SEPTIN9: variants seen among roughly 807,000 people sequenced by gnomAD.
SEPTIN9 encodes septin 9.
A neutral mutation model predicts 56.6 loss-of-function variants in SEPTIN9; 13 were observed. The observed-to-expected ratio is 0.23, with a 90% CI of 0.15 to 0.37. The LOEUF is 0.37. SEPTIN9 is among the 10% of genes least tolerant of loss of function. The probability of loss-of-function intolerance (pLI) is 1.00; values close to 1 mark genes in which losing one functional copy is unlikely to be tolerated. For synonymous variants in SEPTIN9, 332 were observed against 334.1 expected, an observed-to-expected ratio of 0.99 and a Z score of 0.07; for missense variants, 650 against 823.1, an observed-to-expected ratio of 0.79 and a Z score of 2.57.
chr17:77,456,007 C>T lies in SEPTIN9; in HGVS notation c.722-26137C>T, dbSNP rs1158177813. 6.6e-6 allele frequency among the ~76,000 whole-genome samples: 1 copy of T among 152,176 alleles called. No homozygotes were observed. The highest frequency in any genetic ancestry group is 2.4e-5 in the African/African-American group (1 of 41,436). On this transcript the variant is annotated intron_variant, in intron 3 of 11. Coordinates refer to ENST00000427177, the MANE Select transcript of SEPTIN9 (RefSeq NM_001113491.2). This position sits in a 1 kb window ranked among gnomAD's most constrained non-coding sequence, Gnocchi z 6.0. ...GACTGCCCTGGAAGATTCCCGGCAC[C>T]GCTTCCCATGCGCCACGTGACTAGG...
At chr17:77,343,810 G>A (rs1036982104) in intron 2 of SEPTIN9, among the ~76,000 whole-genome samples, 1 of 152,186 alleles carries the variant, frequency 6.6e-6, no homozygotes, top group South Asian at 2.1e-4. Context: ...CACACATCTG[G>A]TGTCAGAGCT....
intron 2 of SEPTIN9, among the ~76,000 whole-genome samples, chr17:77,311,855 C>T (rs1207506488): frequency 6.6e-6 from 1 of 152,132 alleles, no homozygotes; most frequent in African/African-American, 2.4e-5. Flanking sequence ...CTTGGCTGCC[C>T]GAGGACCTTG....
At chr17:77,485,020 T>G (rs1276885230) in intron 4 of SEPTIN9, among the ~76,000 whole-genome samples, 7 of 80,086 alleles carry the variant, frequency 8.7e-5, no homozygotes, top group Non-Finnish European at 1.7e-4. Flanking sequence ...TGGTGGTGAT[T>G]GTGATGGTGG....
intron 8 of SEPTIN9, among the ~76,000 whole-genome samples, chr17:77,491,420 AC>A (rs2040022522): frequency 6.6e-6 from 1 of 151,548 alleles, no homozygotes; most frequent in Non-Finnish European, 1.5e-5. Context: ...CTGGTCTCTA[AC>A]CCTTGGGCTC....
At chr17:77,351,227 CAACA>C (rs1272476528) in intron 2 of SEPTIN9, among the ~76,000 whole-genome samples, 1 of 106,832 alleles carries the variant, frequency 9.4e-6, no homozygotes, top group African/African-American at 4.0e-5. Flanking sequence ...CGCGTGCACA[CAACA>C]CACACACACA....
chr17:77,415,199 G>C (rs2036455089), intron 3 of SEPTIN9, among the ~76,000 whole-genome samples: 1 of 152,214 alleles, frequency 6.6e-6, no homozygotes. Context: ...AGGTGGCCAG[G>C]TGGAGGCGGC....
At chr17:77,396,137 T>C (rs1290476748) in intron 2 of SEPTIN9, among the ~76,000 whole-genome samples, 1 of 152,120 alleles carries the variant, frequency 6.6e-6, no homozygotes, top group African/African-American at 2.4e-5. Context: ...CCTCCTGCTC[T>C]ATGGGTGGGG....
Position 77,318,050 on chromosome 17 carries a change from C to T in SEPTIN9, c.76+10853C>T, listed in dbSNP as rs141496122. On this transcript the variant is annotated intron_variant, in intron 2 of 11. Transcript: ENST00000427177. This position sits in a 1 kb window ranked among gnomAD's most constrained non-coding sequence, Gnocchi z 4.9. ...TGGGTGGCAGAGCGAGACTCTGTCT[C>T]AATAAAATAAAATAAAATAAAATAA... Among the ~76,000 whole-genome samples the T allele has an allele frequency of 6.7e-6, 1 of 149,338 alleles. No homozygotes were observed. The highest frequency in any genetic ancestry group is 2.5e-5 in the African/African-American group (1 of 40,784).
At chr17:77,461,683 A>C (rs2038481767) in intron 3 of SEPTIN9, among the ~76,000 whole-genome samples, 1 of 152,272 alleles carries the variant, frequency 6.6e-6, no homozygotes, top group Non-Finnish European at 1.5e-5. Context: ...TATTAGGGTC[A>C]TCCAGAGAAA....
In SEPTIN9 at chr17:77,330,067, T is replaced by A. The variant is rs1289449498; in HGVS notation, c.76+22870T>A. Among the ~76,000 whole-genome samples, 1 of 152,156 alleles carries A rather than the reference T, an allele frequency of 6.6e-6. No homozygotes were observed. The highest frequency in any genetic ancestry group is 1.5e-5 in the Non-Finnish European group (1 of 68,012). On this transcript the variant is annotated intron_variant, in intron 2 of 11. Transcript: ENST00000427177. The surrounding 1 kb of genome is among the most constrained non-coding windows in gnomAD (Gnocchi z 4.4). ...TCTGCTTCCTTCCTCTCCCTCGGAA[T>A]GGGGGGTGGACACTCCAAGACTAGC...
intron 2 of SEPTIN9, among the ~76,000 whole-genome samples, chr17:77,353,014 A>G (rs1292925548): frequency 6.6e-6 from 1 of 152,184 alleles, no homozygotes; most frequent in African/African-American, 2.4e-5. Context: ...TATGCCCTCA[A>G]ATAACCCAAT....
intron 2 of SEPTIN9, chr17:77,322,680 G>A (rs1430083937): frequency 6.6e-6 from 1 of 152,294 alleles, no homozygotes; most frequent in African/African-American, 2.4e-5. Flanking sequence ...GGTGAGGGGT[G>A]GGAGCGGCAC....
At chr17:77,309,890 C>T (rs2032420439) in intron 2 of SEPTIN9, among the ~76,000 whole-genome samples, 1 of 152,254 alleles carries the variant, frequency 6.6e-6, no homozygotes, top group Non-Finnish European at 1.5e-5. Context: ...TAGCCCCACT[C>T]CTGCTGCGGT....
At chr17:77,443,872 C>T (rs150296879) in intron 3 of SEPTIN9, among the ~76,000 whole-genome samples, 12 of 152,120 alleles carry the variant, frequency 7.9e-5, no homozygotes, top group Non-Finnish European at 1.0e-4. Context: ...TGCAACTTGA[C>T]GGGAGGTAGG....
chr17:77,284,912 G>A (rs1029756108), intron 1 of SEPTIN9, among the ~76,000 whole-genome samples: 1 of 152,182 alleles, frequency 6.6e-6, no homozygotes, highest in African/African-American at 2.4e-5. Context: ...ACAGGCATGA[G>A]CCACCACGCC....
At position 77,451,590 on chromosome 17, in the gene SEPTIN9, C is replaced by T; in HGVS notation, c.722-30554C>T. 1 of 977,564 alleles carries T rather than the reference C, an allele frequency of 1.0e-6. No individual in the cohort carries two copies. The highest frequency in any genetic ancestry group is 1.7e-5 in the African/African-American group (1 of 57,216). The allele number at this position is 977,564 out of a possible 1,614,324, so 60.6% of individuals were successfully genotyped here. ...CACTGGCTCGGGGGCTCTCAGGTGG[C>T]GCGGCCGCGAGGCGGACCCTGATGG... On this transcript the variant is annotated intron_variant, in intron 3 of 11. Coordinates refer to ENST00000427177, the MANE Select transcript of SEPTIN9 (RefSeq NM_001113491.2). This position sits in a 1 kb window ranked among gnomAD's most constrained non-coding sequence, Gnocchi z 4.2.
intron 4 of SEPTIN9, among the ~76,000 whole-genome samples, chr17:77,486,179 T>C (rs945606462): frequency 6.6e-6 from 1 of 152,054 alleles, no homozygotes; most frequent in African/African-American, 2.4e-5. Flanking sequence ...CCTAGCTCAC[T>C]GCAGCCTCGC....
At chr17:77,410,877 G>T (rs2036271780) in intron 3 of SEPTIN9, among the ~76,000 whole-genome samples, 1 of 152,148 alleles carries the variant, frequency 6.6e-6, no homozygotes, top group Non-Finnish European at 1.5e-5. Context: ...GCCCTGCTCT[G>T]TGTTCTGGCT....
rs2040093451 is a variant in SEPTIN9, at chr17:77,492,920, C to T, written c.1477-60C>T. 4.0e-6 allele frequency: 6 copies of T among 1,483,568 alleles called. No homozygotes were observed. The highest frequency in any genetic ancestry group is 3.9e-5 in the Admixed American group (2 of 51,274). 91.9% of individuals were successfully genotyped at this position (1,483,568 alleles called of 1,614,324 possible). A position where few individuals can be genotyped will look rare whatever the true frequency, so the allele number is the denominator to read the frequency against. On this transcript the variant is annotated intron_variant, in intron 9 of 11. Transcript: ENST00000427177. The surrounding 1 kb of genome is among the most constrained non-coding windows in gnomAD (Gnocchi z 5.4). Reference sequence around the variant, plus strand: ...GCTCAGGGCAGCTCCTCCCGGGGGCCCAGGGGAGGGAATTGCCTTCCCGCA... The same window carrying T: ...GCTCAGGGCAGCTCCTCCCGGGGGCTCAGGGGAGGGAATTGCCTTCCCGCA...
Sources: allele counts gnomAD v4.1 joint callset (sites outside exome capture counted in the v4.1 genomes callset), GRCh38; gene constraint gnomAD v4.1.1; non-coding constraint Gnocchi (gnomAD v3.1); transcripts MANE v1.5; gene names NCBI Gene and HGNC (gene_info 2026-07-23, HGNC 2026-07-21).